USP12: variants seen among roughly 807,000 people sequenced by gnomAD.
USP12 encodes ubiquitin specific peptidase 12, also known as ubiquitin carboxyl-terminal hydrolase 12.
In USP12, 19 loss-of-function variants were observed where a neutral mutation model predicts 45.5. That is an observed-to-expected ratio of 0.42 (90% CI 0.29 to 0.61). USP12 has a LOEUF of 0.61. USP12 is among the 20% of genes least tolerant of loss of function. USP12 has a pLI of 0.22. For missense variants in USP12, 242 were observed against 447.7 expected (o/e 0.54, Z 4.15); for synonymous variants, 149 against 148.8 (o/e 1.00, Z -0.01).
intron 3 of USP12, among the ~76,000 whole-genome samples, chr13:27,096,230 A>G (rs1874576188): frequency 6.6e-6 from 1 of 152,230 alleles, no homozygotes; most frequent in Non-Finnish European, 1.5e-5. Flanking sequence ...TAGACCCACA[A>G]AGTTTATCAA....
rs142426104 is a variant in USP12 at position 27,105,867 on chromosome 13, C to G, written c.207G>C (p.Ala69=). The G allele has an allele frequency of 6.2e-7, 1 of 1,613,690 alleles. No homozygotes were observed. Among genetic ancestry groups the G allele is most frequent in the African/African-American group, 1.3e-5 (1 of 74,962 alleles). ...FCRPFREKVL[A]YKSQPRKKES... ...CCTTTTTCCTAGGTTGACTCTTATA[C>G]GCAAGAACTTTTTCCCGAAATGGAC... The change falls in exon 3 of 9, where the codon GCG becomes GCC. Residue 69 remains alanine, a synonymous_variant. Coordinates refer to ENST00000282344, the MANE Select transcript of USP12 (RefSeq NM_182488.4).
intron 6 of USP12, among the ~76,000 whole-genome samples, chr13:27,085,891 C>A (rs1593175896): frequency 6.6e-6 from 1 of 151,910 alleles, no homozygotes; most frequent in African/African-American, 2.4e-5. Context: ...ATGCAGCAGG[C>A]GTGGTATCTA....
intron 1 of USP12, among the ~76,000 whole-genome samples, chr13:27,150,805 G>C (rs889313146): frequency 6.6e-6 from 1 of 152,188 alleles, no homozygotes; most frequent in Non-Finnish European, 1.5e-5. Flanking sequence ...AAAAGACAGA[G>C]AAAGAATAGT....
chr13:27,127,358 A>G (rs537134750), intron 1 of USP12, among the ~76,000 whole-genome samples: 3 of 152,346 alleles, frequency 2.0e-5, no homozygotes, highest in Admixed American at 1.3e-4. Flanking sequence ...CCAATGACAT[A>G]AAAGGGAACA....
chr13:27,157,405 T>A (rs1877889852), intron 1 of USP12, among the ~76,000 whole-genome samples: 1 of 152,188 alleles, frequency 6.6e-6, no homozygotes, highest in African/African-American at 2.4e-5. Context: ...AAGTGGATGT[T>A]CTAGGTATGA....
intron 6 of USP12, among the ~76,000 whole-genome samples, chr13:27,078,531 T>A (rs1873597383): frequency 6.6e-6 from 1 of 151,808 alleles, no homozygotes; most frequent in South Asian, 2.1e-4. Flanking sequence ...TAATGTCTAG[T>A]TATAATTTAA....
At chr13:27,107,257 G>A (rs551275313) in intron 2 of USP12, among the ~76,000 whole-genome samples, 84 of 152,236 alleles carry the variant, frequency 5.5e-4, no homozygotes, top group Non-Finnish European at 7.6e-4. Flanking sequence ...CCTGGGAGGC[G>A]GAGGCTGCAG....
rs568276997 is a variant in USP12 at position 27,170,424 on chromosome 13, G to C, written c.48+1168C>G. ...CAGTTGCATAAATAGGGCCAGTGAG[G>C]CATGAAACACAAGATTTCAGAAGTC... On this transcript the variant is annotated intron_variant, in intron 1 of 8. Transcript: ENST00000282344. 4.0e-4 allele frequency: 158 copies of C among 398,102 alleles called. 1 individual carries two copies. Among genetic ancestry groups the C allele is most frequent in the African/African-American group, 3.1e-3 (152 of 48,742 alleles). 24.7% of individuals were successfully genotyped at this position (398,102 alleles called of 1,614,324 possible).
At chr13:27,105,204 T>C (rs1435594856) in intron 3 of USP12, among the ~76,000 whole-genome samples, 1 of 152,140 alleles carries the variant, frequency 6.6e-6, no homozygotes, top group African/African-American at 2.4e-5. Flanking sequence ...AAAAAGGGGT[T>C]GGGGGATTAA....
At chr13:27,109,912 C>CAAAAAAA (rs58500654) in intron 2 of USP12, among the ~76,000 whole-genome samples, 4,269 of 108,190 alleles carry the variant, frequency 0.039, 200 homozygotes, top group Middle Eastern at 0.05. Flanking sequence ...ACTCTGTCTC[C>CAAAAAAA]AAAAAAAAAA....
intron 6 of USP12, among the ~76,000 whole-genome samples, chr13:27,079,709 T>C (rs1048652012): frequency 1.3e-5 from 2 of 152,232 alleles, no homozygotes; most frequent in African/African-American, 4.8e-5. Flanking sequence ...CAGAGTTCTT[T>C]AGATGGAATC....
chr13:27,088,217 A>G (rs1016175144), intron 6 of USP12, among the ~76,000 whole-genome samples: 1 of 152,058 alleles, frequency 6.6e-6, no homozygotes, highest in Admixed American at 6.6e-5. Context: ...TCAGGAGATC[A>G]AGACCATCCC....
At chr13:27,136,522 T>C (rs1244664562) in intron 1 of USP12, among the ~76,000 whole-genome samples, 1 of 152,036 alleles carries the variant, frequency 6.6e-6, no homozygotes, top group African/African-American at 2.4e-5. Flanking sequence ...CATACATACA[T>C]ACATACCCTT....
At chr13:27,145,185 G>A (rs1877257429) in intron 1 of USP12, among the ~76,000 whole-genome samples, 2 of 152,192 alleles carry the variant, frequency 1.3e-5, no homozygotes, top group Admixed American at 1.3e-4. Context: ...AACTATAGAA[G>A]TGTAAGGTAT....
rs531690942 is a variant in USP12, at chr13:27,124,239, GAATT to G, written c.49-7647_49-7644del. Among the ~76,000 whole-genome samples the G allele has an allele frequency of 1.2e-4, 19 of 152,212 alleles. No homozygotes were observed. In the East Asian group the frequency reaches 3.7e-3, roughly 29 times the overall value. ...GTTTTCAAGAAAACAATTCAATCTG[GAATT>G]AATGTAATTCCTTAACTTAAAAATC... On this transcript the variant is annotated intron_variant, in intron 1 of 8. Coordinates refer to ENST00000282344, the MANE Select transcript of USP12 (RefSeq NM_182488.4).
intron 8 of USP12, among the ~76,000 whole-genome samples, chr13:27,069,645 C>T (rs1873148267): frequency 1.3e-5 from 2 of 152,054 alleles, no homozygotes; most frequent in Admixed American, 6.5e-5. Context: ...CTATTTTGGA[C>T]CAACAAAATG....
At chr13:27,121,689 G>A (rs1875998461) in intron 1 of USP12, among the ~76,000 whole-genome samples, 1 of 151,830 alleles carries the variant, frequency 6.6e-6, no homozygotes, top group African/African-American at 2.4e-5. Context: ...GTGAAACCCC[G>A]TCTCTACTAA....
chr13:27,101,502 GA>G (rs1193082831), intron 3 of USP12, among the ~76,000 whole-genome samples: 1 of 152,198 alleles, frequency 6.6e-6, no homozygotes, highest in African/African-American at 2.4e-5. Flanking sequence ...CCAGGAACTG[GA>G]TTATGTGCTG....
chr13:27,159,026 T>C (rs982980316), intron 1 of USP12, among the ~76,000 whole-genome samples: 7 of 152,238 alleles, frequency 4.6e-5, no homozygotes, highest in Non-Finnish European at 1.0e-4. Context: ...CCCAACTCTT[T>C]CTAGCAATTA....
Sources: gnomAD v4.1 joint callset for allele counts (sites outside exome capture counted in the v4.1 genomes callset) on GRCh38, gnomAD v4.1.1 for gene constraint, MANE v1.5 for transcripts, NCBI Gene and HGNC (gene_info 2026-07-23, HGNC 2026-07-21) for gene names.